Variants in AP3S2 observed in about 807,000 individuals in gnomAD.
AP3S2 encodes adaptor related protein complex 3 subunit sigma 2.
Under a neutral mutation model 23.4 loss-of-function variants are expected in AP3S2, and 22 were observed. That is an observed-to-expected ratio of 0.94 (90% CI 0.67 to 1.34). The LOEUF is 1.34. Ranked by LOEUF, AP3S2 falls within the 40% of genes most tolerant of loss-of-function variation. The pLI, the probability that AP3S2 is intolerant of heterozygous loss-of-function variation, is 0.00. For synonymous variants in AP3S2, 86 were observed against 87.1 expected, an observed-to-expected ratio of 0.99 and a Z score of 0.07; for missense variants, 241 against 236.9, an observed-to-expected ratio of 1.02 and a Z score of -0.11.
intron 4 of AP3S2, among the ~76,000 whole-genome samples, chr15:89,838,999 T>C (rs1366268256): frequency 1.3e-5 from 2 of 152,128 alleles, no homozygotes; most frequent in Admixed American, 6.5e-5. Context: ...TGGGACCAGA[T>C]AATCCTCTGC....
At chr15:89,870,533 T>C (rs1486963040) in intron 4 of AP3S2, among the ~76,000 whole-genome samples, 1 of 152,134 alleles carries the variant, frequency 6.6e-6, no homozygotes, top group Non-Finnish European at 1.5e-5. Flanking sequence ...TACATTAGCC[T>C]GGAAAGTGGG....
intron 4 of AP3S2, among the ~76,000 whole-genome samples, chr15:89,843,282 C>A (rs1325328252): frequency 1.3e-5 from 2 of 152,008 alleles, no homozygotes; most frequent in Admixed American, 1.3e-4. Context: ...CTACACCCAG[C>A]CAAGTATTTC....
intron 4 of AP3S2, among the ~76,000 whole-genome samples, chr15:89,858,455 A>AAAAG (rs769434767): frequency 1.3e-3 from 172 of 131,170 alleles, no homozygotes; most frequent in Non-Finnish European, 1.8e-3. Flanking sequence ...AAAAGAAAGA[A>AAAAG]AAAGAAAGAA....
intron 1 of AP3S2, among the ~76,000 whole-genome samples, chr15:89,891,172 A>T (rs993689519): frequency 6.6e-6 from 1 of 152,170 alleles, no homozygotes; most frequent in African/African-American, 2.4e-5. Context: ...AAAAAGGTAA[A>T]CTACCAATTG....
chr15:89,845,811 G>A (rs1441366098), intron 4 of AP3S2: 4 of 152,190 alleles, frequency 2.6e-5, no homozygotes, highest in Non-Finnish European at 4.4e-5. Context: ...CACACAGTGT[G>A]CATTGAACAA....
chr15:89,862,284 C>G (rs968146721), intron 4 of AP3S2, among the ~76,000 whole-genome samples: 2 of 152,040 alleles, frequency 1.3e-5, no homozygotes, highest in Non-Finnish European at 1.5e-5. Context: ...ATTTCTGGGA[C>G]AATTGGGAAA....
chr15:89,843,944 G>A (rs1329609171), intron 4 of AP3S2, among the ~76,000 whole-genome samples: 1 of 152,218 alleles, frequency 6.6e-6, no homozygotes, highest in Admixed American at 6.5e-5. Context: ...ATGCTTTGAT[G>A]ATGTATAAAA....
In AP3S2 at chr15:89,837,620, A is replaced by G. The variant is rs146312709; in HGVS notation, c.448T>C (p.Ser150Pro). 6.2e-7 allele frequency: 1 copy of G among 1,614,032 alleles called. No individual in the cohort carries two copies. The change falls in exon 5 of 6, where the codon TCC becomes CCC. Residue 150 changes from serine (S) to proline (P), a missense_variant. Ser to Pro is a moderately conservative substitution (Grantham distance 74, BLOSUM62 -1). Transcript: ENST00000336418. ...GAGCACAGCTGCTTACTCACCTCGG[A>G]TTTCTCCAGCCTGTTTTGAGCCTCA... ...QIEAQNRLEK[S>P]EGGLSAAPAR... is the part of the protein sequence containing the mutation.
intron 5 of AP3S2, among the ~76,000 whole-genome samples, chr15:89,837,232 G>C (rs1197305232): frequency 6.6e-6 from 1 of 152,178 alleles, no homozygotes; most frequent in Non-Finnish European, 1.5e-5. Context: ...CAGACTCTTA[G>C]AGCACACAAA....
intron 3 of AP3S2, among the ~76,000 whole-genome samples, chr15:89,878,653 T>C (rs1209551404): frequency 6.6e-6 from 1 of 152,034 alleles, no homozygotes; most frequent in Non-Finnish European, 1.5e-5. Flanking sequence ...CCTGATCTCC[T>C]GGGCTCAAGC....
In AP3S2 at chr15:89,871,559, G is replaced by C; in HGVS notation, c.274-13C>G. ...TTTCCACAAAAACCTAGAAAACAAG[G>C]AGAAATAGATAAAGAAGAGAAATAG... is the stretch of plus-strand genomic sequence containing the variant. On this transcript the variant is annotated splice_polypyrimidine_tract_variant and intron_variant, in intron 3 of 5. Coordinates refer to ENST00000336418, the MANE Select transcript of AP3S2 (RefSeq NM_005829.5). 3.1e-6 allele frequency: 5 copies of C among 1,612,012 alleles called. No individual in the cohort carries two copies. The highest frequency in any genetic ancestry group is 4.2e-6 in the Non-Finnish European group (5 of 1,179,304).
intron 4 of AP3S2, chr15:89,845,336 A>G (rs939113792): frequency 6.6e-6 from 1 of 152,222 alleles, no homozygotes; most frequent in Admixed American, 6.5e-5. Flanking sequence ...AAGCAAAATG[A>G]CTCAAGTGTA....
At chr15:89,856,943 C>T (rs1009273310) in intron 4 of AP3S2, among the ~76,000 whole-genome samples, 1 of 151,514 alleles carries the variant, frequency 6.6e-6, no homozygotes, top group African/African-American at 2.4e-5. Context: ...ATCTATTTCA[C>T]ATCAACTAAT....
intron 3 of AP3S2, among the ~76,000 whole-genome samples, chr15:89,871,850 T>C (rs1024102695): frequency 6.6e-6 from 1 of 152,102 alleles, no homozygotes; most frequent in Non-Finnish European, 1.5e-5. Context: ...GGCTCATACT[T>C]ACAATCTCAG....
At chr15:89,875,484 G>A (rs548976077) in intron 3 of AP3S2, among the ~76,000 whole-genome samples, 1 of 152,254 alleles carries the variant, frequency 6.6e-6, no homozygotes, top group South Asian at 2.1e-4. Flanking sequence ...CATGCTGATG[G>A]GCAAAGAGGC....
intron 4 of AP3S2, chr15:89,852,370 A>G (rs868301767): frequency 6.6e-6 from 1 of 152,238 alleles, no homozygotes; most frequent in Non-Finnish European, 1.5e-5. Context: ...CCTCTTTCCC[A>G]GTGCAGGATT....
At chr15:89,888,050 T>C (rs376054617) in intron 3 of AP3S2, among the ~76,000 whole-genome samples, 2 of 152,384 alleles carry the variant, frequency 1.3e-5, no homozygotes, top group South Asian at 2.1e-4. Context: ...TTTATAGCTA[T>C]AGAATTTTCT....
intron 4 of AP3S2, among the ~76,000 whole-genome samples, chr15:89,866,531 G>A (rs1896126197): frequency 6.6e-6 from 1 of 151,178 alleles, no homozygotes; most frequent in African/African-American, 2.4e-5. Context: ...TGTTGCCCAG[G>A]CTGAAGTGCA....
chr15:89,885,966 T>C (rs987534586), intron 3 of AP3S2, among the ~76,000 whole-genome samples: 10 of 151,906 alleles, frequency 6.6e-5, no homozygotes, highest in Non-Finnish European at 1.2e-4. Flanking sequence ...ATCAAACTTT[T>C]TAGTTCCTAT....
Sources: gnomAD v4.1 joint callset for allele counts (sites outside exome capture counted in the v4.1 genomes callset) on GRCh38, gnomAD v4.1.1 for gene constraint, MANE v1.5 for transcripts, NCBI Gene and HGNC (gene_info 2026-07-23, HGNC 2026-07-21) for gene names.